ANKRD66: variants seen among roughly 807,000 people sequenced by gnomAD.
ANKRD66 encodes the protein ankyrin repeat domain 66.
A neutral mutation model predicts 10.9 loss-of-function variants in ANKRD66; 10 were observed. The ratio of observed to expected loss-of-function variants is 0.91; its 90% confidence interval spans 0.56 to 1.55. The LOEUF (loss-of-function observed/expected upper bound fraction) is 1.55. ANKRD66 is among the 40% of genes most tolerant of loss of function. ANKRD66 has a pLI of 0.00. For synonymous variants in ANKRD66, 85 were observed against 88.4 expected, an observed-to-expected ratio of 0.96 and a Z score of 0.22; for missense variants, 252 against 242.9, an observed-to-expected ratio of 1.04 and a Z score of -0.25.
chr6:46,752,141 C>A, intron 3 of ANKRD66, 30 bp downstream of exon 3: 1 of 1,416,722 alleles, frequency 7.1e-7, no homozygotes, highest in East Asian at 2.9e-5. Context: ...GTAGATCTGC[C>A]CTTTTGAGTC....
chr6:46,752,166 CTATCAATCAGTAGG>C (rs1233050659), intron 3 of ANKRD66, 55 bp downstream of exon 3: 6 of 1,361,884 alleles, frequency 4.4e-6, no homozygotes, highest in Non-Finnish European at 5.7e-6. Flanking sequence ...ATTCATGAGG[CTATCAATCAGTAGG>C]CTATGTGGGG....
chr6:46,747,105 G>C (rs1766160660), intron 1 of ANKRD66, 115 bp downstream of exon 1: 3 of 984,394 alleles, frequency 3.0e-6, no homozygotes, highest in Non-Finnish European at 4.4e-6. Flanking sequence ...CTTTATGGTA[G>C]ATGTGCCTCT....
chr6:46,753,356 G>A (rs1766308590), intron 3 of ANKRD66, among the ~76,000 whole-genome samples: 1 of 152,188 alleles, frequency 6.6e-6, no homozygotes, highest in African/African-American at 2.4e-5. Flanking sequence ...TTTTGGCTCA[G>A]TGTTGAGACT....
In ANKRD66 at chr6:46,756,130, T is replaced by C. The variant is rs770459724; in HGVS notation, c.392+2180T>C. On this transcript the variant is annotated intron_variant, in intron 4 of 4. Transcript: ENST00000565422. ...ATCAAGAAACGCCTGACTTCTTTAGTAGTTTGTATTTGCAAGATCTAAGAT... is the reference window on the plus strand; with the variant it reads ...ATCAAGAAACGCCTGACTTCTTTAGCAGTTTGTATTTGCAAGATCTAAGAT... 10 of 430,248 alleles carry C rather than the reference T, an allele frequency of 2.3e-5. 1 individual carries two copies. Among genetic ancestry groups the C allele is most frequent in the South Asian group, 1.7e-4 (10 of 59,310 alleles). The allele number at this position is 430,248 out of a possible 1,614,324, so 26.7% of individuals were successfully genotyped here. A position where few individuals can be genotyped will look rare whatever the true frequency, so the allele number is the denominator to read the frequency against.
At chr6:46,749,479 G>A (rs1766216141) in intron 1 of ANKRD66, among the ~76,000 whole-genome samples, 1 of 151,776 alleles carries the variant, frequency 6.6e-6, no homozygotes, top group Non-Finnish European at 1.5e-5. Context: ...AAGGGGGGCA[G>A]GGTGGAGCAG....
chr6:46,753,976 A>G, intron 4 of ANKRD66, 26 bp downstream of exon 4: 17 of 1,533,688 alleles, frequency 1.1e-5, no homozygotes, highest in African/African-American at 1.4e-5. Flanking sequence ...TTCCACCTAT[A>G]GAAGGAGCAG....
intron 4 of ANKRD66, among the ~76,000 whole-genome samples, chr6:46,754,648 A>G (rs916487183): frequency 6.6e-6 from 1 of 152,204 alleles, no homozygotes; most frequent in Admixed American, 6.5e-5. Context: ...TAGCAATGCC[A>G]TCTATAGGGG....
Position 46,753,723 on chromosome 6 carries a change from G to C in ANKRD66, c.165G>C (p.Gly55=). ...CTGTTTCTTTTTGGTACATCTAAGGGCAAATGGAGGTGATACGGCTCCTGA... is the reference window on the plus strand; with the variant it reads ...CTGTTTCTTTTTGGTACATCTAAGGCCAAATGGAGGTGATACGGCTCCTGA... ...RTPLHWAAIK[G]QMEVIRLLIE... Residue 55 remains glycine (G), a splice_region_variant and synonymous_variant, in exon 4 of 5, where the codon GGG becomes GGC. Transcript: ENST00000565422. 1.9e-6 allele frequency: 3 copies of C among 1,546,158 alleles called. No individual in the cohort carries two copies. The highest frequency in any genetic ancestry group is 2.6e-6 in the Non-Finnish European group (3 of 1,144,330).
At chr6:46,750,365 A>G (rs1766244344) in intron 2 of ANKRD66, among the ~76,000 whole-genome samples, 1 of 152,126 alleles carries the variant, frequency 6.6e-6, no homozygotes, top group African/African-American at 2.4e-5. Flanking sequence ...TTATTACACT[A>G]TAATATAAAT....
intron 1 of ANKRD66, among the ~76,000 whole-genome samples, chr6:46,749,222 C>A (rs968019127): frequency 5.9e-5 from 9 of 152,170 alleles, no homozygotes; most frequent in Non-Finnish European, 1.0e-4. Context: ...ACTGCTGGGA[C>A]TGAGCAGTGG....
Position 46,753,753 on chromosome 6 carries a change from ATATGGAG to A in ANKRD66, c.196_202del (p.Tyr66ProfsTer23). 2 of 1,551,316 alleles carry A rather than the reference ATATGGAG, an allele frequency of 1.3e-6. No individual in the cohort carries two copies. Among genetic ancestry groups the A allele is most frequent in the Non-Finnish European group, 1.7e-6 (2 of 1,146,844 alleles). ...TGGAGGTGATACGGCTCCTGATAGA[ATATGGAG>A]CCAGGCCCTGCCTGGTTACTAGTGT... is the stretch of plus-strand genomic sequence containing the variant. On this transcript the variant is annotated frameshift_variant, in exon 4 of 5. Coordinates refer to ENST00000565422, the MANE Select transcript of ANKRD66 (RefSeq NM_001162435.3). LOFTEE classifies it high-confidence loss of function.
chr6:46,753,550 T>A (rs1766312147), intron 3 of ANKRD66, among the ~76,000 whole-genome samples, 172 bp from the exon 4 acceptor site: 1 of 152,128 alleles, frequency 6.6e-6, no homozygotes, highest in Non-Finnish European at 1.5e-5. Context: ...GGTAGGGCAC[T>A]GAGTCCCTGG....
At chr6:46,750,609 TATATACATACAC>T (rs1315217797) in intron 2 of ANKRD66, among the ~76,000 whole-genome samples, 2 of 149,324 alleles carry the variant, frequency 1.3e-5, no homozygotes, top group Admixed American at 6.7e-5. Flanking sequence ...GCATGAGATA[TATATACATACAC>T]ATATACATAC....
At chr6:46,753,589 G>A in intron 3 of ANKRD66, 133 bp from the exon 4 acceptor site, 1 of 787,514 alleles carries the variant, frequency 1.3e-6, no homozygotes, top group Non-Finnish European at 2.0e-6. Context: ...AGGAGGGGAT[G>A]ATGATAGGAA....
At chr6:46,748,876 T>C (rs535380244) in intron 1 of ANKRD66, among the ~76,000 whole-genome samples, 14 of 152,342 alleles carry the variant, frequency 9.2e-5, no homozygotes, top group Non-Finnish European at 1.5e-4. Flanking sequence ...AGTGAGCTAG[T>C]ACCGTTGTGA....
intron 4 of ANKRD66, chr6:46,756,271 T>G (rs1291125295): frequency 9.3e-6 from 2 of 215,036 alleles, no homozygotes; most frequent in South Asian, 5.9e-5. Flanking sequence ...GGTTTGTTAT[T>G]TCATTTTCAG....
chr6:46,752,697 G>C (rs1766296883), intron 3 of ANKRD66, among the ~76,000 whole-genome samples: 1 of 152,162 alleles, frequency 6.6e-6, no homozygotes, highest in African/African-American at 2.4e-5. Flanking sequence ...AGTGTACAGT[G>C]CCTATCTTAC....
intron 3 of ANKRD66, among the ~76,000 whole-genome samples, chr6:46,753,259 C>G (rs1208236201): frequency 6.6e-6 from 1 of 152,202 alleles, no homozygotes; most frequent in Non-Finnish European, 1.5e-5. Flanking sequence ...GTGGGATTGT[C>G]AGGGTATGAA....
At chr6:46,747,205 C>A (rs1766162356) in intron 1 of ANKRD66, among the ~76,000 whole-genome samples, 7 of 152,062 alleles carry the variant, frequency 4.6e-5, no homozygotes, top group Admixed American at 4.6e-4. Context: ...GTAGTCAATG[C>A]CAAGCTAGTG....
Sources: allele counts gnomAD v4.1 joint callset (sites outside exome capture counted in the v4.1 genomes callset), GRCh38; gene constraint gnomAD v4.1.1; transcripts MANE v1.5; gene names NCBI Gene and HGNC (gene_info 2026-07-23, HGNC 2026-07-21).